GRM7: variants seen among roughly 807,000 people sequenced by gnomAD.
GRM7 encodes metabotropic glutamate receptor 7.
Under a neutral mutation model 84.5 loss-of-function variants are expected in GRM7, and 35 were observed. That is an observed-to-expected ratio of 0.41 (90% CI 0.32 to 0.55). GRM7 has a LOEUF of 0.55. Among genes scored for constraint, GRM7 ranks in the 20% least tolerant of loss-of-function variants. The pLI is 0.19. For synonymous variants in GRM7, 487 were observed against 455.1 expected (o/e 1.07, Z -0.89); for missense variants, 1,003 against 1,194.6 (o/e 0.84, Z 2.36).
At chr3:7,511,798 G>A (rs1176544516) in intron 7 of GRM7, among the ~76,000 whole-genome samples, 1 of 152,152 alleles carries the variant, frequency 6.6e-6, no homozygotes, top group Non-Finnish European at 1.5e-5. Flanking sequence ...TATCATATCA[G>A]CAGCATATGT....
intron 1 of GRM7, among the ~76,000 whole-genome samples, chr3:7,001,554 G>A (rs1695014872): frequency 6.6e-6 from 1 of 152,076 alleles, no homozygotes; most frequent in Non-Finnish European, 1.5e-5. Flanking sequence ...CACATATGAA[G>A]AACAGCTTGT....
chr3:7,544,077 A>T (rs1234434981), intron 7 of GRM7, among the ~76,000 whole-genome samples: 1 of 152,220 alleles, frequency 6.6e-6, no homozygotes. Flanking sequence ...AAGACAAATG[A>T]GATAGGACCC....
At chr3:7,111,298 G>GA (rs1455503136) in intron 1 of GRM7, among the ~76,000 whole-genome samples, 1 of 152,076 alleles carries the variant, frequency 6.6e-6, no homozygotes, top group Non-Finnish European at 1.5e-5. Flanking sequence ...TATACATGGT[G>GA]AAAAAATGAA....
intron 8 of GRM7, among the ~76,000 whole-genome samples, chr3:7,671,425 C>A (rs750528144): frequency 1.3e-5 from 2 of 152,070 alleles, no homozygotes; most frequent in African/African-American, 2.4e-5. Flanking sequence ...TGATTCCAAG[C>A]ATGAACATAA....
chr3:7,650,726 T>G (rs1317156386), intron 8 of GRM7, among the ~76,000 whole-genome samples: 7 of 152,198 alleles, frequency 4.6e-5, no homozygotes, highest in African/African-American at 1.7e-4. Context: ...TGCTTTTATT[T>G]ATTTATTTAG....
chr3:7,417,834 A>G (rs1396500977), intron 5 of GRM7, among the ~76,000 whole-genome samples: 1 of 152,088 alleles, frequency 6.6e-6, no homozygotes, highest in Non-Finnish European at 1.5e-5. Flanking sequence ...GTTATATATT[A>G]GCTGCAAGTA....
Position 7,124,172 on chromosome 3 carries a change from A to G in GRM7, c.520-22280A>G, listed in dbSNP as rs547877484. Among the ~76,000 whole-genome samples, 25 of 152,348 alleles carry G rather than the reference A, an allele frequency of 1.6e-4. No homozygotes were observed. In the South Asian group the frequency reaches 5.2e-3, roughly 32 times the overall value. On this transcript the variant is annotated intron_variant, in intron 1 of 9. Coordinates refer to ENST00000357716, the MANE Select transcript of GRM7 (RefSeq NM_000844.4). Reference sequence around the variant, plus strand: ...CCTAAGGATACAGTCAAAGCAAAAGACATTAAATCAGAAATTCTATATTCT... The same window carrying G: ...CCTAAGGATACAGTCAAAGCAAAAGGCATTAAATCAGAAATTCTATATTCT...
At chr3:6,905,364 A>C (rs2125009967) in intron 1 of GRM7, among the ~76,000 whole-genome samples, 1 of 152,252 alleles carries the variant, frequency 6.6e-6, no homozygotes, top group East Asian at 1.9e-4. Flanking sequence ...TGATATTACA[A>C]GTGTATCTTA....
At chr3:7,539,899 G>T (rs1692774560) in intron 7 of GRM7, among the ~76,000 whole-genome samples, 1 of 152,140 alleles carries the variant, frequency 6.6e-6, no homozygotes. Context: ...GCACACTAAA[G>T]AAATACTCTC....
chr3:7,600,827 C>A (rs1309674498), intron 8 of GRM7, among the ~76,000 whole-genome samples: 1 of 152,138 alleles, frequency 6.6e-6, no homozygotes, highest in East Asian at 1.9e-4. Context: ...ATTTCTCTTG[C>A]ACAGTTATTT....
At chr3:7,096,942 CATT>C (rs1318758703) in intron 1 of GRM7, among the ~76,000 whole-genome samples, 1 of 152,098 alleles carries the variant, frequency 6.6e-6, no homozygotes, top group East Asian at 1.9e-4. Flanking sequence ...AACAAGTGAA[CATT>C]AATAGTAGAA....
At chr3:6,951,702 A>G (rs994348134) in intron 1 of GRM7, among the ~76,000 whole-genome samples, 1 of 152,200 alleles carries the variant, frequency 6.6e-6, no homozygotes, top group Non-Finnish European at 1.5e-5. Context: ...AAATGTTCCA[A>G]GTCCCCTTTC....
At position 6,861,976 on chromosome 3, in the gene GRM7, T is replaced by A; in HGVS notation, c.519+69T>A. 1 of 1,366,022 alleles carries A rather than the reference T, an allele frequency of 7.3e-7. No individual in the cohort carries two copies. The highest frequency in any genetic ancestry group is 1.0e-6 in the Non-Finnish European group (1 of 989,442). The allele number at this position is 1,366,022 out of a possible 1,614,324, so 84.6% of individuals were successfully genotyped here. A position where few individuals can be genotyped will look rare whatever the true frequency, so the allele number is the denominator to read the frequency against. On this transcript the variant is annotated intron_variant, in intron 1 of 9. Transcript: ENST00000357716. This position sits in a 1 kb window ranked among gnomAD's most constrained non-coding sequence, Gnocchi z 6.4. Reference sequence around the variant, plus strand: ...TGCGCCCTTAACCCTAAAAGCTGGCTTGGACTCCGGTGGTGCGGGTCAGGT... The same window carrying A: ...TGCGCCCTTAACCCTAAAAGCTGGCATGGACTCCGGTGGTGCGGGTCAGGT...
At chr3:7,043,895 G>A (rs1696714164) in intron 1 of GRM7, among the ~76,000 whole-genome samples, 2 of 152,164 alleles carry the variant, frequency 1.3e-5, no homozygotes, top group African/African-American at 2.4e-5. Context: ...GCCCAGGCAG[G>A]TCTCAAACTC....
intron 4 of GRM7, among the ~76,000 whole-genome samples, chr3:7,311,838 G>A (rs959919327): frequency 4.6e-5 from 7 of 151,946 alleles, no homozygotes; most frequent in Admixed American, 2.0e-4. Flanking sequence ...CAAGTCATCC[G>A]CCAGCCTCAG....
intron 8 of GRM7, among the ~76,000 whole-genome samples, chr3:7,649,235 A>T (rs980831435): frequency 2.6e-5 from 4 of 151,826 alleles, no homozygotes; most frequent in Admixed American, 2.6e-4. Context: ...ACGCCCGGCT[A>T]ATTTTATGTA....
intron 4 of GRM7, among the ~76,000 whole-genome samples, chr3:7,363,619 A>G (rs899561047): frequency 2.0e-5 from 3 of 152,110 alleles, no homozygotes; most frequent in South Asian, 2.1e-4. Flanking sequence ...ATGAACATCT[A>G]TGTATATACA....
chr3:7,213,934 C>A (rs1370435503), intron 2 of GRM7, among the ~76,000 whole-genome samples: 1 of 152,090 alleles, frequency 6.6e-6, no homozygotes, highest in Admixed American at 6.5e-5. Flanking sequence ...AAAAGTATGT[C>A]CCAGTAAAGA....
intron 1 of GRM7, among the ~76,000 whole-genome samples, chr3:6,974,229 G>T (rs1693893513): frequency 6.6e-6 from 1 of 152,156 alleles, no homozygotes. Flanking sequence ...TGTGTAGCAT[G>T]TTGATGGGCC....
Sources: gnomAD v4.1 joint callset for allele counts (sites outside exome capture counted in the v4.1 genomes callset) on GRCh38, gnomAD v4.1.1 for gene constraint, Gnocchi (gnomAD v3.1) non-coding constraint, MANE v1.5 for transcripts, NCBI Gene and HGNC (gene_info 2026-07-23, HGNC 2026-07-21) for gene names.